Variants in LRBA observed in about 807,000 individuals in gnomAD.
LRBA encodes the protein LPS responsive beige-like anchor protein.
Under a neutral mutation model 330.0 loss-of-function variants are expected in LRBA, and 176 were observed. That is an observed-to-expected ratio of 0.53 (90% CI 0.47 to 0.60). The LOEUF (loss-of-function observed/expected upper bound fraction) is 0.60, where lower values mean the gene tolerates loss of function less well. Ranked by LOEUF, LRBA falls within the 20% of genes least tolerant of loss-of-function variation. The pLI is 0.00. For missense variants in LRBA, 3,259 were observed against 3,444.8 expected (o/e 0.95, Z 1.35); for synonymous variants, 1,230 against 1,193.0 (o/e 1.03, Z -0.64).
At chr4:150,474,559 C>T (rs571252165) in intron 42 of LRBA, among the ~76,000 whole-genome samples, 77 of 152,222 alleles carry the variant, frequency 5.1e-4, no homozygotes, top group African/African-American at 1.8e-3. Flanking sequence ...AGGGATTATA[C>T]AGAATTTACA....
chr4:150,476,588 C>A (rs1302728305), intron 42 of LRBA, among the ~76,000 whole-genome samples: 1 of 152,192 alleles, frequency 6.6e-6, no homozygotes, highest in Non-Finnish European at 1.5e-5. Flanking sequence ...CCTCTCTAAG[C>A]TTCTAACTGC....
chr4:150,871,890 G>C (rs1753490627), intron 18 of LRBA, among the ~76,000 whole-genome samples: 1 of 152,146 alleles, frequency 6.6e-6, no homozygotes, highest in African/African-American at 2.4e-5. Flanking sequence ...TAAATACTAT[G>C]AAAACATATA....
At position 150,735,354 on chromosome 4, in the gene LRBA, C is replaced by G. The variant is rs759446684; in HGVS notation, c.5658G>C (p.Gln1886His). 4 of 1,610,294 alleles carry G rather than the reference C, an allele frequency of 2.5e-6. No individual in the cohort carries two copies. The African/African-American group carries it at 5.3e-5, about 22-fold the overall frequency. The change falls in exon 36 of 57, where the codon CAG becomes CAC. Residue 1886 changes from glutamine (Q) to histidine (H), a missense_variant. Gln to His is a conservative substitution (Grantham distance 24). Coordinates refer to ENST00000651943, the MANE Select transcript of LRBA (RefSeq NM_001364905.1). Reference protein sequence around the residue: ...ELVNEGRLLSQTMKDHLVRVA... With the variant: ...ELVNEGRLLSHTMKDHLVRVA... Reference sequence around the variant, plus strand: ...CTCTTACTAGATGATCCTTCATTGTCTGGCTAAGCAACCTGTAAGAAATGA... The same window carrying G: ...CTCTTACTAGATGATCCTTCATTGTGTGGCTAAGCAACCTGTAAGAAATGA...
chr4:150,881,869 C>T (rs1156367262), intron 17 of LRBA, among the ~76,000 whole-genome samples: 1 of 152,108 alleles, frequency 6.6e-6, no homozygotes, highest in African/African-American at 2.4e-5. Flanking sequence ...GGCGGATCAC[C>T]TGAGGTCAGG....
chr4:150,409,069 T>G (rs114278518), intron 47 of LRBA, among the ~76,000 whole-genome samples: 250 of 152,180 alleles, frequency 1.6e-3, no homozygotes, highest in African/African-American at 5.6e-3. Context: ...AAGTCTTTAT[T>G]TAGGATAGGC....
At chr4:150,716,685 T>G (rs1728243759) in intron 36 of LRBA, among the ~76,000 whole-genome samples, 1 of 152,150 alleles carries the variant, frequency 6.6e-6, no homozygotes, top group South Asian at 2.1e-4. Context: ...TTGAATAATT[T>G]CTCATGATTA....
chr4:150,323,254 GA>G (rs1187513461), intron 49 of LRBA, among the ~76,000 whole-genome samples: 1 of 152,036 alleles, frequency 6.6e-6, no homozygotes, highest in East Asian at 1.9e-4. Flanking sequence ...AAAAGGAAAT[GA>G]ACATCATTTC....
In LRBA at chr4:150,374,622, C is replaced by T. The variant is rs79704030; in HGVS notation, c.7195-24463G>A. ...AGTCTGAAATTTTTTTGATCACCAACATGATGCTAAAAGGAAATGCTTATT... is the reference window on the plus strand; with the variant it reads ...AGTCTGAAATTTTTTTGATCACCAATATGATGCTAAAAGGAAATGCTTATT... On this transcript the variant is annotated intron_variant, in intron 47 of 56. Coordinates refer to ENST00000651943, the MANE Select transcript of LRBA (RefSeq NM_001364905.1). Among the ~76,000 whole-genome samples the T allele has an allele frequency of 4.3e-4, 66 of 152,276 alleles. No individual in the cohort carries two copies. In the East Asian group the frequency reaches 0.011, roughly 24 times the overall value.
At chr4:150,320,420 C>CT (rs11290413) in intron 50 of LRBA, among the ~76,000 whole-genome samples, 49 of 151,064 alleles carry the variant, frequency 3.2e-4, no homozygotes, top group East Asian at 9.8e-4. Context: ...TTTAAGTGTT[C>CT]TTTTTTTTTT....
intron 47 of LRBA, among the ~76,000 whole-genome samples, chr4:150,386,827 TGAG>T (rs1743141385): frequency 6.6e-6 from 1 of 152,182 alleles, no homozygotes; most frequent in African/African-American, 2.4e-5. Context: ...TCTAGGTCTT[TGAG>T]GAATAACCAT....
At position 150,550,900 on chromosome 4, in the gene LRBA, G is replaced by A. The variant is rs544273486; in HGVS notation, c.6330+37148C>T. Among the ~76,000 whole-genome samples the A allele has an allele frequency of 2.0e-5, 3 of 152,228 alleles. No individual in the cohort carries two copies. In the East Asian group the frequency reaches 5.8e-4, roughly 29 times the overall value. Reference sequence around the variant, plus strand: ...TTGTATAACATTGGATCTCTGTTGTGTTATAAAATATTTGGTACAAAACAA... The same window carrying A: ...TTGTATAACATTGGATCTCTGTTGTATTATAAAATATTTGGTACAAAACAA... On this transcript the variant is annotated intron_variant, in intron 40 of 56. Transcript: ENST00000651943.
intron 36 of LRBA, among the ~76,000 whole-genome samples, chr4:150,686,361 A>C (rs1043746463): frequency 6.6e-6 from 1 of 152,272 alleles, no homozygotes; most frequent in South Asian, 2.1e-4. Flanking sequence ...TATTTTTAAA[A>C]AAGATTGACC....
chr4:150,632,242 A>G (rs1459723000), intron 37 of LRBA, among the ~76,000 whole-genome samples: 1 of 152,036 alleles, frequency 6.6e-6, no homozygotes, highest in East Asian at 1.9e-4. Context: ...AGGAAAAAAA[A>G]AAAAAAAAGT....
chr4:150,533,977 A>G (rs1764338392), intron 40 of LRBA, among the ~76,000 whole-genome samples: 1 of 152,136 alleles, frequency 6.6e-6, no homozygotes. Flanking sequence ...TCTATGATCC[A>G]CAGACCCACA....
At chr4:150,869,194 C>T (rs1021411898) in intron 20 of LRBA, among the ~76,000 whole-genome samples, 2 of 151,024 alleles carry the variant, frequency 1.3e-5, no homozygotes, top group Non-Finnish European at 2.9e-5. Flanking sequence ...GCTGGGATTA[C>T]AGGCATGAGC....
At chr4:151,012,808 CTTTTTTTTT>C (rs34281634) in intron 2 of LRBA, 2 of 124,576 alleles carry the variant, frequency 1.6e-5, no homozygotes, top group Non-Finnish European at 3.3e-5. Flanking sequence ...AAGTGAATTT[CTTTTTTTTT>C]TTTTTTTTTT....
At chr4:150,612,663 C>T (rs1456675319) in intron 37 of LRBA, among the ~76,000 whole-genome samples, 1 of 152,114 alleles carries the variant, frequency 6.6e-6, no homozygotes, top group Admixed American at 6.6e-5. Flanking sequence ...TATTCATTTA[C>T]AAATATTTTC....
chr4:150,697,264 C>A (rs1784703072), intron 36 of LRBA, among the ~76,000 whole-genome samples: 1 of 125,440 alleles, frequency 8.0e-6, no homozygotes, highest in Admixed American at 1.0e-4. Context: ...GTGGAGGTTG[C>A]AGTGAGCCAA....
intron 35 of LRBA, among the ~76,000 whole-genome samples, chr4:150,750,139 G>A (rs1002847586): frequency 1.3e-5 from 2 of 152,122 alleles, no homozygotes; most frequent in African/African-American, 4.8e-5. Context: ...CTAAAAGCCA[G>A]TATGTTTACT....
Sources: gnomAD v4.1 joint callset for allele counts (sites outside exome capture counted in the v4.1 genomes callset) on GRCh38, gnomAD v4.1.1 for gene constraint, MANE v1.5 for transcripts, NCBI Gene and HGNC (gene_info 2026-07-23, HGNC 2026-07-21) for gene names.